Variants in SETD2 observed in about 807,000 individuals in gnomAD.
SETD2 encodes histone-lysine N-methyltransferase SETD2.
A neutral mutation model predicts 242.1 loss-of-function variants in SETD2; 31 were observed. That is an observed-to-expected ratio of 0.13 (90% CI 0.10 to 0.17). The LOEUF (loss-of-function observed/expected upper bound fraction) is 0.17, where lower values mean the gene tolerates loss of function less well. Ranked by LOEUF, SETD2 falls within the 10% of genes least tolerant of loss-of-function variation. The probability of loss-of-function intolerance (pLI) is 1.00; values close to 1 mark genes in which losing one functional copy is unlikely to be tolerated. For missense variants in SETD2, 2,481 were observed against 3,046.3 expected (o/e 0.81, Z 4.37); for synonymous variants, 1,006 against 1,066.5 (o/e 0.94, Z 1.11).
chr3:47,093,566 G>A (rs1046147927), intron 9 of SETD2, among the ~76,000 whole-genome samples: 7 of 152,110 alleles, frequency 4.6e-5, no homozygotes, highest in African/African-American at 2.4e-5. Flanking sequence ...TTATAGGCAT[G>A]AGCCACTGCG....
chr3:47,040,737 C>T (rs2039242625), intron 17 of SETD2, among the ~76,000 whole-genome samples: 1 of 151,806 alleles, frequency 6.6e-6, no homozygotes, highest in Admixed American at 6.6e-5. Context: ...CCATGCCAAG[C>T]TAATTTTGTA....
chr3:47,070,926 G>A (rs2040792009), intron 12 of SETD2, among the ~76,000 whole-genome samples: 1 of 152,018 alleles, frequency 6.6e-6, no homozygotes, highest in Non-Finnish European at 1.5e-5. Context: ...TATAGCGATG[G>A]GGTCTTGCTC....
rs555779879 is a variant in SETD2 at position 47,124,650 on chromosome 3, T to C, written c.88-102A>G. 61 of 982,630 alleles carry C rather than the reference T, an allele frequency of 6.2e-5. No homozygotes were observed. In the Admixed American group the frequency reaches 1.8e-3, roughly 29 times the overall value. 60.9% of individuals were successfully genotyped at this position (982,630 alleles called of 1,614,324 possible). ...TACTGGAGAAATGAAAAGCCCTTTT[T>C]AATAACAAATAGTATGAATTTCACT... On this transcript the variant is annotated intron_variant, in intron 2 of 20. Coordinates refer to ENST00000409792, the MANE Select transcript of SETD2 (RefSeq NM_014159.7).
intron 12 of SETD2, among the ~76,000 whole-genome samples, chr3:47,070,824 T>C (rs1234578524): frequency 6.6e-6 from 1 of 152,232 alleles, no homozygotes; most frequent in East Asian, 1.9e-4. Context: ...TTTTCAGATC[T>C]ATAAGGTCTC....
At chr3:47,023,181 A>C (rs2038309238) in intron 18 of SETD2, among the ~76,000 whole-genome samples, 1 of 152,076 alleles carries the variant, frequency 6.6e-6, no homozygotes, top group African/African-American at 2.4e-5. Flanking sequence ...CGGGTGGATC[A>C]TGAGGTCAGG....
chr3:47,129,847 C>G (rs530919542), intron 1 of SETD2, among the ~76,000 whole-genome samples: 1 of 150,642 alleles, frequency 6.6e-6, no homozygotes, highest in Admixed American at 6.6e-5. Context: ...CCATTGCACT[C>G]TAGCCTGGGC....
chr3:47,119,331 A>G (rs2042982078), intron 3 of SETD2: 1 of 152,264 alleles, frequency 6.6e-6, no homozygotes, highest in Non-Finnish European at 1.5e-5. Flanking sequence ...TTTTTGATAA[A>G]CCACTTTATC....
At chr3:47,098,831 T>C (rs896774563) in intron 8 of SETD2, among the ~76,000 whole-genome samples, 5 of 152,112 alleles carry the variant, frequency 3.3e-5, no homozygotes, top group African/African-American at 9.7e-5. Context: ...AGTATTCTAA[T>C]AGTAAACTGG....
At chr3:47,040,141 A>G (rs2039213373) in intron 17 of SETD2, among the ~76,000 whole-genome samples, 2 of 151,802 alleles carry the variant, frequency 1.3e-5, no homozygotes, top group South Asian at 2.1e-4. Context: ...ACCAAGCCCA[A>G]CTAATTTTTG....
chr3:47,030,047 G>C (rs942281817), intron 18 of SETD2, among the ~76,000 whole-genome samples: 1 of 151,932 alleles, frequency 6.6e-6, no homozygotes, highest in African/African-American at 2.4e-5. Context: ...TACTTGGGAG[G>C]CTAAGGCAGG....
At chr3:47,019,867 G>T in intron 18 of SETD2, 27 bp from the exon 19 acceptor site, 1 of 1,596,568 alleles carries the variant, frequency 6.3e-7, no homozygotes, top group Non-Finnish European at 8.6e-7. Context: ...AAACACAGTG[G>T]TGCTGGCATG....
At chr3:47,024,451 G>A (rs759306944) in intron 18 of SETD2, among the ~76,000 whole-genome samples, 39 of 152,178 alleles carry the variant, frequency 2.6e-4, no homozygotes, top group Non-Finnish European at 4.3e-4. Context: ...CAGCCTGGGC[G>A]ACAGAGTGAG....
Position 47,108,670 on chromosome 3 carries a change from G to A in SETD2, c.4716-2550C>T, listed in dbSNP as rs573400020. 2.0e-5 allele frequency among the ~76,000 whole-genome samples: 3 copies of A among 152,276 alleles called. No individual in the cohort carries two copies. The East Asian group carries it at 5.8e-4, about 29-fold the overall frequency. On this transcript the variant is annotated intron_variant, in intron 5 of 20. Transcript: ENST00000409792. ...AGACCCCACATCAGGAAGTTGGAAGGATATACCAACACACATGGATCTAAC... is the reference window on the plus strand; with the variant it reads ...AGACCCCACATCAGGAAGTTGGAAGAATATACCAACACACATGGATCTAAC...
chr3:47,127,107 A>C (rs2043351339), intron 1 of SETD2, among the ~76,000 whole-genome samples: 1 of 152,234 alleles, frequency 6.6e-6, no homozygotes, highest in East Asian at 1.9e-4. Flanking sequence ...CTGTAATCCC[A>C]GCACTTTGGG....
At chr3:47,130,734 T>C (rs1301014866) in intron 1 of SETD2, among the ~76,000 whole-genome samples, 1 of 152,010 alleles carries the variant, frequency 6.6e-6, no homozygotes, top group Non-Finnish European at 1.5e-5. Context: ...GATGAGATCA[T>C]GCTAGAATAG....
rs763801739 is a variant in SETD2 at position 47,116,761 on chromosome 3, GGT to G, written c.4455-9_4455-8del. On this transcript the variant is annotated splice_polypyrimidine_tract_variant and splice_region_variant and intron_variant, in intron 3 of 20. Coordinates refer to ENST00000409792, the MANE Select transcript of SETD2 (RefSeq NM_014159.7). ...ATGAGATTTATTCTTCTTTCTATTG[GGT>G]AAAATTTCATAAAAACTGATTAAAT... is the stretch of plus-strand genomic sequence containing the variant. The G allele has an allele frequency of 8.3e-6, 13 of 1,568,272 alleles. No homozygotes were observed. Among genetic ancestry groups the G allele is most frequent in the Non-Finnish European group, 1.1e-5 (13 of 1,147,992 alleles).
At chr3:47,049,300 T>A (rs1355723134) in intron 15 of SETD2, among the ~76,000 whole-genome samples, 2 of 104,916 alleles carry the variant, frequency 1.9e-5, no homozygotes, top group Non-Finnish European at 3.9e-5. Context: ...GAATAAGTTT[T>A]CTAAATATAT....
chr3:47,105,964 C>G (rs2107695599), intron 6 of SETD2, 33 bp downstream of exon 6: 1 of 1,567,350 alleles, frequency 6.4e-7, no homozygotes. Flanking sequence ...CCTAACAGAT[C>G]TGTTTCAAGG....
intron 15 of SETD2, among the ~76,000 whole-genome samples, chr3:47,052,722 G>T (rs1354242393): frequency 6.6e-6 from 1 of 151,912 alleles, no homozygotes; most frequent in Admixed American, 6.6e-5. Context: ...TGAGGCTGAG[G>T]CAGGAGAATC....
Sources: gnomAD v4.1 joint callset for allele counts (sites outside exome capture counted in the v4.1 genomes callset) on GRCh38, gnomAD v4.1.1 for gene constraint, MANE v1.5 for transcripts, NCBI Gene and HGNC (gene_info 2026-07-23, HGNC 2026-07-21) for gene names.